Variants in KCTD16 observed in about 807,000 individuals in gnomAD.
KCTD16 encodes the protein potassium channel tetramerization domain containing 16.
KCTD16 carries 13 observed loss-of-function variants against 33.2 expected under a neutral mutation model. The ratio of observed to expected loss-of-function variants is 0.39; its 90% confidence interval spans 0.25 to 0.62. The LOEUF (loss-of-function observed/expected upper bound fraction) is 0.62. KCTD16 is among the 20% of genes least tolerant of loss of function. The pLI is 0.50. For missense variants in KCTD16, 441 were observed against 525.1 expected (o/e 0.84, Z 1.57); for synonymous variants, 197 against 195.3 (o/e 1.01, Z -0.07).
At chr5:144,288,089 T>A (rs1272576011) in intron 3 of KCTD16, among the ~76,000 whole-genome samples, 1 of 152,200 alleles carries the variant, frequency 6.6e-6, no homozygotes, top group African/African-American at 2.4e-5. Flanking sequence ...AGATTCTGGC[T>A]TCACAGGTCT....
intron 3 of KCTD16, among the ~76,000 whole-genome samples, chr5:144,281,395 C>A (rs1755605843): frequency 6.6e-6 from 1 of 152,130 alleles, no homozygotes; most frequent in Non-Finnish European, 1.5e-5. Context: ...GTTATCTGTT[C>A]ATTTTCATTC....
intron 3 of KCTD16, among the ~76,000 whole-genome samples, chr5:144,302,284 G>A (rs911038866): frequency 2.4e-4 from 37 of 151,988 alleles, no homozygotes; most frequent in Non-Finnish European, 4.7e-4. Flanking sequence ...GCAGGTGTCA[G>A]GGAGAAGAAA....
At chr5:144,380,509 C>A (rs1023941513) in intron 3 of KCTD16, among the ~76,000 whole-genome samples, 1 of 152,120 alleles carries the variant, frequency 6.6e-6, no homozygotes, top group African/African-American at 2.4e-5. Context: ...TCACTTGGAA[C>A]TGAAAAGGAG....
intron 3 of KCTD16, among the ~76,000 whole-genome samples, chr5:144,400,180 GTGCCTGC>G (rs1270730314): frequency 2.6e-5 from 4 of 152,214 alleles, no homozygotes; most frequent in Non-Finnish European, 5.9e-5. Flanking sequence ...GTGGGGATAG[GTGCCTGC>G]TGGACAGAGG....
chr5:144,334,711 A>C (rs1435067346), intron 3 of KCTD16, among the ~76,000 whole-genome samples: 1 of 152,202 alleles, frequency 6.6e-6, no homozygotes, highest in African/African-American at 2.4e-5. Context: ...TTCACATGGT[A>C]ATGAAATGAG....
chr5:144,349,522 C>T (rs1752891817), intron 3 of KCTD16, among the ~76,000 whole-genome samples: 1 of 152,162 alleles, frequency 6.6e-6, no homozygotes, highest in African/African-American at 2.4e-5. Flanking sequence ...TTAAATCCAG[C>T]ATAAGCCCTC....
intron 3 of KCTD16, among the ~76,000 whole-genome samples, chr5:144,210,639 C>A (rs1753356191): frequency 6.6e-6 from 1 of 152,074 alleles, no homozygotes; most frequent in African/African-American, 2.4e-5. Flanking sequence ...ATGTAATCTG[C>A]AAAAGACAAG....
At chr5:144,342,872 G>T (rs1366487945) in intron 3 of KCTD16, among the ~76,000 whole-genome samples, 4 of 152,122 alleles carry the variant, frequency 2.6e-5, no homozygotes, top group Non-Finnish European at 4.4e-5. Context: ...TTTATATGCT[G>T]GATTACATTT....
intron 3 of KCTD16, among the ~76,000 whole-genome samples, chr5:144,248,921 A>T (rs932237787): frequency 3.3e-5 from 5 of 152,182 alleles, no homozygotes; most frequent in Non-Finnish European, 5.9e-5. Context: ...CTTCTCTTAA[A>T]ATAAAAACTC....
intron 3 of KCTD16, among the ~76,000 whole-genome samples, chr5:144,298,246 C>G (rs549556678): frequency 2.9e-4 from 44 of 152,270 alleles, no homozygotes; most frequent in African/African-American, 1.1e-3. Flanking sequence ...TCAGAGAACA[C>G]GAGGCTTGCG....
At chr5:144,455,806 G>C (rs1168826952) in intron 3 of KCTD16, among the ~76,000 whole-genome samples, 1 of 152,156 alleles carries the variant, frequency 6.6e-6, no homozygotes, top group Non-Finnish European at 1.5e-5. Context: ...ATTGGGAGTG[G>C]ACTGTCTGCA....
intron 3 of KCTD16, among the ~76,000 whole-genome samples, chr5:144,411,426 G>C (rs1372863281): frequency 1.3e-5 from 2 of 152,228 alleles, no homozygotes; most frequent in Middle Eastern, 3.4e-3. Context: ...AAGAACATAT[G>C]ATAGAGAAAA....
chr5:144,185,004 C>T (rs935620915), intron 2 of KCTD16, among the ~76,000 whole-genome samples: 1 of 152,162 alleles, frequency 6.6e-6, no homozygotes, highest in African/African-American at 2.4e-5. Context: ...CCAAAACTTG[C>T]TCTTATTATG....
At chr5:144,233,529 A>G (rs543877546) in intron 3 of KCTD16, among the ~76,000 whole-genome samples, 3 of 152,234 alleles carry the variant, frequency 2.0e-5, no homozygotes, top group African/African-American at 7.2e-5. Context: ...CAGTTCTTTT[A>G]TTCCCCCCAC....
chr5:144,338,341 C>G (rs2126896700), intron 3 of KCTD16, among the ~76,000 whole-genome samples: 1 of 152,228 alleles, frequency 6.6e-6, no homozygotes, highest in South Asian at 2.1e-4. Context: ...ACTGGTTGAC[C>G]TGGGATCAGA....
chr5:144,282,440 G>A (rs1755632048), intron 3 of KCTD16, among the ~76,000 whole-genome samples: 1 of 151,998 alleles, frequency 6.6e-6, no homozygotes, highest in Non-Finnish European at 1.5e-5. Context: ...TGTAAGTAAA[G>A]CACTTCCCTG....
chr5:144,302,831 G>C (rs1751479912), intron 3 of KCTD16, among the ~76,000 whole-genome samples: 1 of 152,168 alleles, frequency 6.6e-6, no homozygotes, highest in African/African-American at 2.4e-5. Flanking sequence ...ATTTGATATG[G>C]ACAGAATGAT....
intron 3 of KCTD16, among the ~76,000 whole-genome samples, chr5:144,384,585 C>A (rs935247911): frequency 2.6e-5 from 4 of 152,012 alleles, no homozygotes; most frequent in African/African-American, 9.7e-5. Context: ...AAGTACATTA[C>A]CTATTTTGCT....
intron 2 of KCTD16, among the ~76,000 whole-genome samples, chr5:144,181,082 A>G (rs532537303): frequency 2.2e-4 from 34 of 151,734 alleles, no homozygotes; most frequent in African/African-American, 7.5e-4. Flanking sequence ...ACAGGCGCCC[A>G]CCACCACGCC....
Sources: allele counts gnomAD v4.1 joint callset (sites outside exome capture counted in the v4.1 genomes callset), GRCh38; gene constraint gnomAD v4.1.1; transcripts MANE v1.5; gene names NCBI Gene and HGNC (gene_info 2026-07-23, HGNC 2026-07-21).